HERPUD1: variants seen among roughly 807,000 people sequenced by gnomAD.
HERPUD1 encodes the protein homocysteine inducible ER protein with ubiquitin like domain 1, also known as homocysteine-responsive endoplasmic reticulum-resident ubiquitin-like domain member 1 protein.
A neutral mutation model predicts 45.0 loss-of-function variants in HERPUD1; 17 were observed. That is an observed-to-expected ratio of 0.38 (90% CI 0.26 to 0.57). The LOEUF (loss-of-function observed/expected upper bound fraction) is 0.57, where lower values mean the gene tolerates loss of function less well. Ranked by LOEUF, HERPUD1 falls within the 20% of genes least tolerant of loss-of-function variation. The pLI, the probability that HERPUD1 is intolerant of heterozygous loss-of-function variation, is 0.72. For synonymous variants in HERPUD1, 164 were observed against 177.5 expected (o/e 0.92, Z 0.61); for missense variants, 420 against 490.5 (o/e 0.86, Z 1.36).
chr16:56,934,992 A>C (rs2055855093), intron 1 of HERPUD1: 1 of 440,574 alleles, frequency 2.3e-6, no homozygotes, highest in South Asian at 2.3e-5. Flanking sequence ...GATTACAGGC[A>C]TGAGCCACCA....
At position 56,932,157 on chromosome 16, in the gene HERPUD1, A is replaced by G. The variant is rs760535976; in HGVS notation, c.-88A>G. ...GGGGGCGCGCGCCCCAGAGACGTGA[A>G]CTGTCGTTGCAGAGATTGCGGGCGG... On this transcript the variant is annotated 5_prime_UTR_variant, in exon 1 of 8. Coordinates refer to ENST00000439977, the MANE Select transcript of HERPUD1 (RefSeq NM_014685.4). The G allele has an allele frequency of 1.9e-6, 3 of 1,552,374 alleles. No homozygotes were observed. The highest frequency in any genetic ancestry group is 1.9e-5 in the Admixed American group (1 of 52,144).
intron 4 of HERPUD1, 174 bp from the exon 5 acceptor site, chr16:56,939,063 T>C: frequency 1.5e-6 from 1 of 652,460 alleles, no homozygotes; most frequent in Non-Finnish European, 2.6e-6. Flanking sequence ...TGTCATTTAG[T>C]ACCTTCTGTG....
Position 56,932,211 on chromosome 16 carries a change from A to C in HERPUD1, c.-34A>C. On this transcript the variant is annotated 5_prime_UTR_variant, in exon 1 of 8. Coordinates refer to ENST00000439977, the MANE Select transcript of HERPUD1 (RefSeq NM_014685.4). Reference sequence around the variant, plus strand: ...AGACGCCGCCTGCCTGGCACCTAGGAGCGCAGCGGAGCCCCGACACCGCCG... The same window carrying C: ...AGACGCCGCCTGCCTGGCACCTAGGCGCGCAGCGGAGCCCCGACACCGCCG... 6.3e-7 allele frequency: 1 copy of C among 1,599,222 alleles called. No homozygotes were observed. Among genetic ancestry groups the C allele is most frequent in the Non-Finnish European group, 8.5e-7 (1 of 1,177,406 alleles).
chr16:56,932,459 C>T lies in HERPUD1; in HGVS notation c.147+68C>T, dbSNP rs943584975. On this transcript the variant is annotated intron_variant, in intron 1 of 7. Coordinates refer to ENST00000439977, the MANE Select transcript of HERPUD1 (RefSeq NM_014685.4). ...CGCCCTCTGCTGGGGATGCCACGTCCGGCTGCCCTGTCCTGTGGCCTCCTC... is the reference window on the plus strand; with the variant it reads ...CGCCCTCTGCTGGGGATGCCACGTCTGGCTGCCCTGTCCTGTGGCCTCCTC... The T allele has an allele frequency of 4.4e-5, 61 of 1,380,244 alleles. 1 individual carries two copies. The South Asian group carries it at 7.5e-4, about 17-fold the overall frequency. 85.5% of individuals were successfully genotyped at this position (1,380,244 alleles called of 1,614,324 possible).
intron 6 of HERPUD1, 100 bp downstream of exon 6, chr16:56,940,345 G>A (rs753169885): frequency 1.9e-5 from 16 of 821,302 alleles, no homozygotes; most frequent in South Asian, 5.1e-5. Context: ...ATGGAGTCTC[G>A]CTCTGTCATT....
At position 56,943,190 on chromosome 16, in the gene HERPUD1, G is replaced by T; in HGVS notation, c.1076G>T (p.Gly359Val). The stretch of plus-strand genomic sequence containing the variant: ...CCTCCAGACAGGGATGTACTAGATG[G>T]CGAGCAGACCAGCCCCTCCTTTATG... ...HLPPDRDVLD[G>V]EQTSPSFMST... is the part of the protein sequence containing the mutation. The change falls in exon 8 of 8, where the codon GGC (glycine) becomes GTC (valine). Residue 359 changes from glycine to valine, a missense_variant. Gly to Val is a moderately radical substitution (Grantham distance 109). Transcript: ENST00000439977. The T allele has an allele frequency of 6.2e-7, 1 of 1,614,148 alleles. No homozygotes were observed. The highest frequency in any genetic ancestry group is 8.5e-7 in the Non-Finnish European group (1 of 1,180,024).
At chr16:56,942,038 G>A in intron 6 of HERPUD1, 94 bp from the exon 7 acceptor site, 2 of 924,282 alleles carry the variant, frequency 2.2e-6, no homozygotes, top group Admixed American at 1.8e-5. Context: ...GCTTATCAGG[G>A]TGCTGCTGTG....
At chr16:56,933,698 A>G (rs1366308426) in intron 1 of HERPUD1, among the ~76,000 whole-genome samples, 3 of 152,228 alleles carry the variant, frequency 2.0e-5, no homozygotes, top group African/African-American at 7.2e-5. Flanking sequence ...GTAGTAGAAA[A>G]TGGCATAATA....
chr16:56,942,292 C>T (rs1321644006), intron 7 of HERPUD1, 55 bp downstream of exon 7: 2 of 1,130,344 alleles, frequency 1.8e-6, no homozygotes, highest in Non-Finnish European at 2.7e-6. Flanking sequence ...CCAGGCTCTC[C>T]AATCCTCAAC....
chr16:56,935,897 C>G (rs776945032), intron 3 of HERPUD1: 1 of 158,206 alleles, frequency 6.3e-6, no homozygotes, highest in Non-Finnish European at 1.4e-5. Flanking sequence ...AGGAAAAGAT[C>G]AGAGTTTTTA....
intron 4 of HERPUD1, chr16:56,937,527 G>A (rs1418514201): frequency 1.3e-5 from 2 of 151,698 alleles, no homozygotes; most frequent in African/African-American, 2.4e-5. Context: ...ATACACAACA[G>A]TGGGGACTGG....
At chr16:56,936,904 T>C in intron 4 of HERPUD1, 87 bp downstream of exon 4, 1 of 1,405,570 alleles carries the variant, frequency 7.1e-7, no homozygotes, top group Non-Finnish European at 9.7e-7. Context: ...TTTACACGTA[T>C]ATAATCAGAA....
At chr16:56,934,426 G>A (rs930983101) in intron 1 of HERPUD1, among the ~76,000 whole-genome samples, 63 of 152,260 alleles carry the variant, frequency 4.1e-4, no homozygotes, top group African/African-American at 1.4e-3. Context: ...CTCACAGGGT[G>A]GTTGTGTATA....
chr16:56,940,664 T>C (rs2055902815), intron 6 of HERPUD1, among the ~76,000 whole-genome samples: 1 of 151,966 alleles, frequency 6.6e-6, no homozygotes, highest in Non-Finnish European at 1.5e-5. Flanking sequence ...TGTGTTTAAA[T>C]AGTATATCAC....
chr16:56,940,154 G>A lies in HERPUD1; in HGVS notation c.814G>A (p.Ala272Thr). The A allele has an allele frequency of 6.2e-7, 1 of 1,614,188 alleles. No individual in the cohort carries two copies. Among genetic ancestry groups the A allele is most frequent in the Non-Finnish European group, 8.5e-7 (1 of 1,180,014 alleles). Residue 272 changes from alanine to threonine, a missense_variant, in exon 6 of 8, where the codon GCT becomes ACT. Coordinates refer to ENST00000439977, the MANE Select transcript of HERPUD1 (RefSeq NM_014685.4). ...TTGGTTGGATTGGACCTATTCAGCA[G>A]CTACATTTTCTGTTTTTCTCAGTAT... is the stretch of plus-strand genomic sequence containing the variant. ...RDWLDWTYSAATFSVFLSILY... is the reference protein window; with the variant it reads ...RDWLDWTYSATTFSVFLSILY...
At chr16:56,938,276 G>A (rs1439105144) in intron 4 of HERPUD1, among the ~76,000 whole-genome samples, 1 of 152,162 alleles carries the variant, frequency 6.6e-6, no homozygotes, top group East Asian at 1.9e-4. Context: ...AAAGAAGCAT[G>A]CATTTGGCCG....
In HERPUD1 at chr16:56,935,221, C is replaced by G; in HGVS notation, c.148-14C>G. The G allele has an allele frequency of 6.2e-7, 1 of 1,601,926 alleles. No homozygotes were observed. Among genetic ancestry groups the G allele is most frequent in the Non-Finnish European group, 8.6e-7 (1 of 1,168,992 alleles). On this transcript the variant is annotated splice_polypyrimidine_tract_variant and intron_variant, in intron 1 of 7. Coordinates refer to ENST00000439977, the MANE Select transcript of HERPUD1 (RefSeq NM_014685.4). ...GAAATGCTGACCTGTGTTACTCTTT[C>G]TTTCCATGATCAGCGTCCAGAGGAC... is the stretch of plus-strand genomic sequence containing the variant.
chr16:56,938,520 G>A (rs937532321), intron 4 of HERPUD1, among the ~76,000 whole-genome samples: 5 of 149,292 alleles, frequency 3.3e-5, no homozygotes, highest in African/African-American at 5.0e-5. Flanking sequence ...CCGAGATTGC[G>A]CCATTGCACT....
In HERPUD1 at chr16:56,932,227, G is replaced by T; in HGVS notation, c.-18G>T. On this transcript the variant is annotated 5_prime_UTR_variant, in exon 1 of 8. Transcript: ENST00000439977. ...GCACCTAGGAGCGCAGCGGAGCCCC[G>T]ACACCGCCGCCGCCGCCATGGAGTC... 1 of 1,603,516 alleles carries T rather than the reference G, an allele frequency of 6.2e-7. No homozygotes were observed. The highest frequency in any genetic ancestry group is 8.5e-7 in the Non-Finnish European group (1 of 1,178,464).
Sources: gnomAD v4.1 joint callset for allele counts (sites outside exome capture counted in the v4.1 genomes callset) on GRCh38, gnomAD v4.1.1 for gene constraint, MANE v1.5 for transcripts, NCBI Gene and HGNC (gene_info 2026-07-23, HGNC 2026-07-21) for gene names.